UMODL1: variants seen among roughly 807,000 people sequenced by gnomAD.
The protein encoded by UMODL1 is uromodulin like 1.
A neutral mutation model predicts 136.3 loss-of-function variants in UMODL1; 128 were observed. The observed-to-expected ratio is 0.94, with a 90% CI of 0.81 to 1.09. UMODL1 has a LOEUF of 1.09. Among genes scored for constraint, UMODL1 ranks in the 50% least tolerant of loss-of-function variants. The pLI, the probability that UMODL1 is intolerant of heterozygous loss-of-function variation, is 0.00. For synonymous variants in UMODL1, 721 were observed against 720.0 expected, an observed-to-expected ratio of 1.00 and a Z score of -0.02; for missense variants, 1,766 against 1,725.6, an observed-to-expected ratio of 1.02 and a Z score of -0.41.
chr21:42,105,348 G>A (rs542338349), intron 9 of UMODL1, among the ~76,000 whole-genome samples: 7 of 150,912 alleles, frequency 4.6e-5, no homozygotes, highest in Non-Finnish European at 8.9e-5. Context: ...CACCCAGCCC[G>A]CCCTCCACAC....
rs1232474 is a variant in UMODL1 at position 42,078,147 on chromosome 21, A to G, written c.319+1900A>G. On this transcript the variant is annotated intron_variant, in intron 2 of 22. Coordinates refer to ENST00000408910, the MANE Select transcript of UMODL1 (RefSeq NM_001004416.3). ...CCTCCATCACCAACAGAAACCAGGC[A>G]GGGCCAGCTGACCCCAGAGCAACAC... is the stretch of plus-strand genomic sequence containing the variant. Among the ~76,000 whole-genome samples, 530 of 142,540 alleles carry G rather than the reference A, an allele frequency of 3.7e-3. 2 individuals carry two copies. The highest frequency in any genetic ancestry group is 8.4e-3 in the South Asian group (36 of 4,266). The allele number at this position is 142,540 out of a possible 152,430, so 93.5% of individuals were successfully genotyped here.
intron 21 of UMODL1, among the ~76,000 whole-genome samples, chr21:42,134,313 C>T (rs367701115): frequency 1.3e-5 from 2 of 152,254 alleles, no homozygotes; most frequent in Admixed American, 6.5e-5. Context: ...ACAAATAGTA[C>T]ATCAGCATGA....
chr21:42,114,491 G>C (rs912451383), intron 13 of UMODL1, among the ~76,000 whole-genome samples: 1 of 152,218 alleles, frequency 6.6e-6, no homozygotes, highest in Non-Finnish European at 1.5e-5. Flanking sequence ...CTTCCCAAGC[G>C]TTGATAGCAG....
intron 2 of UMODL1, among the ~76,000 whole-genome samples, chr21:42,081,346 C>A (rs1361523490): frequency 6.6e-6 from 1 of 152,216 alleles, no homozygotes; most frequent in Non-Finnish European, 1.5e-5. Flanking sequence ...ACACAAAGCT[C>A]CCCTGTTGCC....
intron 18 of UMODL1, 23 bp downstream of exon 18, chr21:42,126,513 G>T (rs1347784926): frequency 2.5e-6 from 4 of 1,613,930 alleles, no homozygotes; most frequent in Non-Finnish European, 3.4e-6. Flanking sequence ...TGCCCCGGCT[G>T]CCCCACAGCC....
At chr21:42,109,472 G>A in intron 9 of UMODL1, 90 bp from the exon 10 acceptor site, 1 of 1,558,054 alleles carries the variant, frequency 6.4e-7, no homozygotes, top group Non-Finnish European at 8.7e-7. Context: ...TGCAAAGACG[G>A]CTAGGAAGGA....
intron 1 of UMODL1, among the ~76,000 whole-genome samples, chr21:42,073,141 G>A (rs984945894): frequency 6.6e-6 from 1 of 152,214 alleles, no homozygotes; most frequent in Non-Finnish European, 1.5e-5. Context: ...ACCAGGAGCT[G>A]TAAGTGTCCT....
rs59428323 is a variant in UMODL1, at chr21:42,122,662, C to CGTGT, written c.2828-153_2828-150dup. 3.7e-4 allele frequency among the ~76,000 whole-genome samples: 55 copies of CGTGT among 150,378 alleles called. No homozygotes were observed. Among genetic ancestry groups the CGTGT allele is most frequent in the African/African-American group, 4.4e-4 (18 of 41,094 alleles). ...GTGTACGTGTGTGTGCATATGTGTG[C>CGTGT]GTGTGTGTGTGTGTGTGTGCACGTG... On this transcript the variant is annotated intron_variant, in intron 16 of 22. Coordinates refer to ENST00000408910, the MANE Select transcript of UMODL1 (RefSeq NM_001004416.3). The surrounding 1 kb of genome is among the most constrained non-coding windows in gnomAD (Gnocchi z 4.3).
chr21:42,132,280 C>A (rs1462693708), intron 21 of UMODL1, among the ~76,000 whole-genome samples: 1 of 151,390 alleles, frequency 6.6e-6, no homozygotes, highest in Non-Finnish European at 1.5e-5. Context: ...TTCATCTATT[C>A]ATCTATCATC....
In UMODL1 at chr21:42,103,863, G is replaced by A. The variant is rs2066672953; in HGVS notation, c.1300-5G>A. 3.7e-6 allele frequency: 6 copies of A among 1,614,166 alleles called. No homozygotes were observed. Among genetic ancestry groups the A allele is most frequent in the East Asian group, 2.2e-5 (1 of 44,876 alleles). On this transcript the variant is annotated splice_region_variant and splice_polypyrimidine_tract_variant and intron_variant, in intron 8 of 22. Transcript: ENST00000408910. ...GGATGTCTGCTGTTGCCTCTTCTTG[G>A]CTAGGTCGAGAGCTCCTTCCCACCA... is the stretch of plus-strand genomic sequence containing the variant.
chr21:42,127,793 C>G lies in UMODL1; in HGVS notation c.3652C>G (p.Arg1218Gly). The G allele has an allele frequency of 1.2e-6, 2 of 1,614,020 alleles. No individual in the cohort carries two copies. Among genetic ancestry groups the G allele is most frequent in the Non-Finnish European group, 1.7e-6 (2 of 1,179,992 alleles). Reference protein sequence around the residue: ...DSIVYLHCKLRVCMESPGATC... With the variant: ...DSIVYLHCKLGVCMESPGATC... ...CATCGTCTACCTGCACTGCAAACTCCGCGTCTGCATGGAATCCCCCGGAGC... is the reference window on the plus strand; with the variant it reads ...CATCGTCTACCTGCACTGCAAACTCGGCGTCTGCATGGAATCCCCCGGAGC... The change falls in exon 20 of 23, where the codon CGC (arginine) becomes GGC (glycine). Residue 1218 changes from arginine (R) to glycine (G), a missense_variant. Arg to Gly is a moderately radical substitution (Grantham distance 125, BLOSUM62 -2). Coordinates refer to ENST00000408910, the MANE Select transcript of UMODL1 (RefSeq NM_001004416.3).
chr21:42,115,826 A>G (rs568518643), intron 13 of UMODL1, 47 bp from the exon 14 acceptor site: 33 of 1,425,456 alleles, frequency 2.3e-5, no homozygotes, highest in Admixed American at 1.7e-4. Flanking sequence ...TTAGTCTGTT[A>G]TCTAATACAG....
chr21:42,134,766 T>G (rs2067181455), intron 21 of UMODL1, among the ~76,000 whole-genome samples: 1 of 147,848 alleles, frequency 6.8e-6, no homozygotes, highest in Non-Finnish European at 1.5e-5. Flanking sequence ...AGGCGCGCAC[T>G]ACCAAGTCTG....
In UMODL1 at chr21:42,127,558, C is replaced by T. The variant is rs531762255; in HGVS notation, c.3531-114C>T. Reference sequence around the variant, plus strand: ...TGAGGTGCCCGGTCCTCGACTTCCACGGAGCCTGTGGAATCTGCGAGTGTC... The same window carrying T: ...TGAGGTGCCCGGTCCTCGACTTCCATGGAGCCTGTGGAATCTGCGAGTGTC... On this transcript the variant is annotated intron_variant, in intron 19 of 22. Coordinates refer to ENST00000408910, the MANE Select transcript of UMODL1 (RefSeq NM_001004416.3). 4.7e-5 allele frequency: 60 copies of T among 1,272,302 alleles called. No individual in the cohort carries two copies. In the East Asian group the frequency reaches 6.3e-4, roughly 13 times the overall value. 78.8% of individuals were successfully genotyped at this position (1,272,302 alleles called of 1,614,324 possible). A position where few individuals can be genotyped will look rare whatever the true frequency, so the allele number is the denominator to read the frequency against.
chr21:42,088,710 T>G (rs1011975838), intron 5 of UMODL1, among the ~76,000 whole-genome samples: 1 of 152,012 alleles, frequency 6.6e-6, no homozygotes, highest in Non-Finnish European at 1.5e-5. Context: ...AGAACTTATT[T>G]TGCCCCCCAT....
At chr21:42,127,930 CG>C in intron 20 of UMODL1, 99 bp downstream of exon 20, 1 of 1,503,718 alleles carries the variant, frequency 6.7e-7, no homozygotes, top group South Asian at 1.2e-5. Context: ...TCGAGTGGCT[CG>C]GGGCCAACCT....
chr21:42,094,211 C>G (rs1236781884), intron 6 of UMODL1, among the ~76,000 whole-genome samples: 1 of 152,216 alleles, frequency 6.6e-6, no homozygotes, highest in African/African-American at 2.4e-5. Context: ...TGCGCGGCCC[C>G]AGCTTCACTT....
Position 42,133,980 on chromosome 21 carries a change from T to C in UMODL1, c.3776-3459T>C, listed in dbSNP as rs558878636. 9.8e-5 allele frequency among the ~76,000 whole-genome samples: 15 copies of C among 152,324 alleles called. 1 individual carries two copies. The South Asian group carries it at 2.9e-3, about 29-fold the overall frequency. On this transcript the variant is annotated intron_variant, in intron 21 of 22. Transcript: ENST00000408910. ...ATTGCCAGGCTGGAGTGCAGTGGCA[T>C]GATCTCGGCTCACTGCAACATCTGC...
intron 21 of UMODL1, among the ~76,000 whole-genome samples, chr21:42,136,739 T>C (rs1357104641): frequency 2.0e-5 from 3 of 152,106 alleles, no homozygotes; most frequent in African/African-American, 7.2e-5. Context: ...GTTTCTTGTT[T>C]TTTTGTTTTG....
Sources: gnomAD v4.1 joint callset for allele counts (sites outside exome capture counted in the v4.1 genomes callset) on GRCh38, gnomAD v4.1.1 for gene constraint, Gnocchi (gnomAD v3.1) non-coding constraint, MANE v1.5 for transcripts, NCBI Gene and HGNC (gene_info 2026-07-23, HGNC 2026-07-21) for gene names.